BIN1: variants seen among roughly 807,000 people sequenced by gnomAD.
The protein encoded by BIN1 is bridging integrator 1.
Under a neutral mutation model 82.0 loss-of-function variants are expected in BIN1, and 53 were observed. The ratio of observed to expected loss-of-function variants is 0.65; its 90% CI spans 0.52 to 0.81. The LOEUF (loss-of-function observed/expected upper bound fraction) is 0.81. BIN1 is among the 40% of genes least tolerant of loss of function. BIN1 has a pLI of 0.00. For synonymous variants in BIN1, 302 were observed against 328.0 expected (o/e 0.92, Z 0.86); for missense variants, 642 against 784.4 (o/e 0.82, Z 2.17).
intron 1 of BIN1, among the ~76,000 whole-genome samples, chr2:127,097,073 C>T (rs549663431): frequency 1.3e-5 from 2 of 152,326 alleles, no homozygotes; most frequent in African/African-American, 4.8e-5. Context: ...ACTCCCCACT[C>T]GGGGGTCTGT....
rs2105076332 is a variant in BIN1 at position 127,070,646 on chromosome 2, G to A, written c.222C>T (p.Ala74=). ...TCAGCTTCTTGGAAGCCTCGTGCAT[G>A]GCTGTGGGGCAGAAAGGAAGTATGT... The part of the protein sequence containing the change: ...DLRTYLASVK[A]MHEASKKLNE... Residue 74 remains alanine, a splice_region_variant and synonymous_variant, in exon 4 of 19, where the codon GCC becomes GCT. Coordinates refer to ENST00000316724, the MANE Select transcript of BIN1 (RefSeq NM_139343.3). 1 of 1,614,048 alleles carries A rather than the reference G, an allele frequency of 6.2e-7. No homozygotes were observed.
At chr2:127,064,807 A>C (rs1004294737) in intron 7 of BIN1, 1 of 153,756 alleles carries the variant, frequency 6.5e-6, no homozygotes, top group Non-Finnish European at 1.4e-5. Context: ...TCACACGGCC[A>C]CAGAGTGCTG....
At chr2:127,074,395 C>T (rs556860107) in intron 2 of BIN1, among the ~76,000 whole-genome samples, 1 of 152,308 alleles carries the variant, frequency 6.6e-6, no homozygotes, top group African/African-American at 2.4e-5. Context: ...CCCTGAAAAG[C>T]CAGCCACCCC....
intron 1 of BIN1, among the ~76,000 whole-genome samples, chr2:127,086,001 G>T (rs2105231663): frequency 6.6e-6 from 1 of 151,950 alleles, no homozygotes; most frequent in Non-Finnish European, 1.5e-5. Flanking sequence ...TGCCCCTCTA[G>T]GTAAGCTCCA....
chr2:127,088,311 C>T (rs1041767170), intron 1 of BIN1, among the ~76,000 whole-genome samples: 3 of 152,256 alleles, frequency 2.0e-5, no homozygotes, highest in South Asian at 2.1e-4. Flanking sequence ...CATTTGAAGA[C>T]TCAGCAACGT....
chr2:127,096,937 G>C (rs1377021823), intron 1 of BIN1, among the ~76,000 whole-genome samples: 1 of 152,120 alleles, frequency 6.6e-6, no homozygotes, highest in Non-Finnish European at 1.5e-5. Flanking sequence ...ACCCACTCCT[G>C]CCAGCCCTGT....
intron 15 of BIN1, 73 bp from the exon 16 acceptor site, chr2:127,051,316 G>T: frequency 6.6e-7 from 1 of 1,522,068 alleles, no homozygotes. Flanking sequence ...CAGGCCACAG[G>T]AGGGCAGCAC....
At chr2:127,077,650 G>A (rs2105154107) in intron 1 of BIN1, among the ~76,000 whole-genome samples, 1 of 152,316 alleles carries the variant, frequency 6.6e-6, no homozygotes, top group Non-Finnish European at 1.5e-5. Context: ...CAGAGGCAAG[G>A]AGCGGTGGTG....
intron 9 of BIN1, among the ~76,000 whole-genome samples, chr2:127,062,986 A>C (rs1684694049): frequency 6.6e-6 from 1 of 152,154 alleles, no homozygotes; most frequent in South Asian, 2.1e-4. Context: ...CAAGAGACAA[A>C]GTCAGACCCA....
intron 15 of BIN1, among the ~76,000 whole-genome samples, 186 bp downstream of exon 15, chr2:127,052,069 G>A (rs905210392): frequency 6.6e-6 from 1 of 152,234 alleles, no homozygotes; most frequent in African/African-American, 2.4e-5. Flanking sequence ...GCCCAGCTGC[G>A]CTCACTCATC....
intron 4 of BIN1, 25 bp downstream of exon 4, chr2:127,070,528 G>A: frequency 5.0e-6 from 8 of 1,612,954 alleles, no homozygotes; most frequent in Non-Finnish European, 5.9e-6. Flanking sequence ...TCTGAGAAGG[G>A]CAGGCCCACC....
intron 1 of BIN1, among the ~76,000 whole-genome samples, chr2:127,087,271 A>G (rs1678299203): frequency 1.3e-5 from 2 of 151,978 alleles, no homozygotes; most frequent in African/African-American, 4.8e-5. Flanking sequence ...GGGGGAGGGG[A>G]AGGAAGTTGC....
At chr2:127,070,680 C>T (rs1415481731) in intron 3 of BIN1, 33 bp from the exon 4 acceptor site, 1 of 1,614,034 alleles carries the variant, frequency 6.2e-7, no homozygotes, top group African/African-American at 1.3e-5. Flanking sequence ...GTGGGCCTCC[C>T]ACTGATAGCG....
intron 1 of BIN1, among the ~76,000 whole-genome samples, chr2:127,080,314 A>G (rs956842984): frequency 6.6e-6 from 1 of 152,160 alleles, no homozygotes; most frequent in Non-Finnish European, 1.5e-5. Context: ...GCTCACAGGC[A>G]GACCACTGAG....
chr2:127,100,246 C>T (rs1395023717), intron 1 of BIN1, among the ~76,000 whole-genome samples: 1 of 152,200 alleles, frequency 6.6e-6, no homozygotes, highest in Non-Finnish European at 1.5e-5. Flanking sequence ...CCAGGTGTTC[C>T]CATCACCCCA....
Position 127,050,432 on chromosome 2 carries a change from G to T in BIN1, c.1663C>A (p.Pro555Thr). The T allele has an allele frequency of 6.2e-7, 1 of 1,614,166 alleles. No individual in the cohort carries two copies. ...DVVLVIPFQN[P>T]EEQDEGWLMG... is the part of the protein sequence containing the mutation. Reference sequence around the variant, plus strand: ...CACCCAGCCCTCACCTGCTCTTCAGGGTTCTGGAAGGGGATCACCAGCACC... The same window carrying T: ...CACCCAGCCCTCACCTGCTCTTCAGTGTTCTGGAAGGGGATCACCAGCACC... The change falls in exon 18 of 19, where the codon CCT becomes ACT. Residue 555 changes from proline (P) to threonine (T), a missense_variant. Pro to Thr is a conservative substitution (Grantham distance 38). Coordinates refer to ENST00000316724, the MANE Select transcript of BIN1 (RefSeq NM_139343.3).
At chr2:127,094,360 G>A (rs1212787591) in intron 1 of BIN1, among the ~76,000 whole-genome samples, 3 of 152,196 alleles carry the variant, frequency 2.0e-5, no homozygotes, top group African/African-American at 4.8e-5. Flanking sequence ...TGCCTACTAT[G>A]TGCCAGAAGC....
chr2:127,070,491 G>A lies in BIN1; in HGVS notation c.315+62C>T, dbSNP rs766142349. On this transcript the variant is annotated intron_variant, in intron 4 of 18. Transcript: ENST00000316724. ...CTTGTCCCAGAGGGCACGGCAGAGT[G>A]GGACAGGAGCTGAGACCAGAGGGCC... The A allele has an allele frequency of 3.2e-4, 510 of 1,582,482 alleles. No homozygotes were observed. In the Middle Eastern group the frequency reaches 6.2e-3, roughly 19 times the overall value.
At chr2:127,063,738 A>C in intron 8 of BIN1, 92 bp from the exon 9 acceptor site, 2 of 1,461,970 alleles carry the variant, frequency 1.4e-6, no homozygotes, top group Non-Finnish European at 1.9e-6. Flanking sequence ...ACACACGCTC[A>C]TCAGAGGCAC....
Sources: allele counts gnomAD v4.1 joint callset (sites outside exome capture counted in the v4.1 genomes callset), GRCh38; gene constraint gnomAD v4.1.1; transcripts MANE v1.5; gene names NCBI Gene and HGNC (gene_info 2026-07-23, HGNC 2026-07-21).